The following NR4A1 variants were observed in gnomAD, a reference collection of about 807,000 sequenced individuals.
The protein encoded by NR4A1 is nuclear receptor subfamily 4immunitygroup A member 1.
A neutral mutation model predicts 47.5 loss-of-function variants in NR4A1; 24 were observed. The ratio of observed to expected loss-of-function variants is 0.50; its 90% CI spans 0.37 to 0.71. The LOEUF (loss-of-function observed/expected upper bound fraction) is 0.71, where lower values mean the gene tolerates loss of function less well. NR4A1 is among the 30% of genes least tolerant of loss of function. The pLI, the probability that NR4A1 is intolerant of heterozygous loss-of-function variation, is 0.00. For synonymous variants in NR4A1, 353 were observed against 345.7 expected (o/e 1.02, Z -0.24); for missense variants, 669 against 788.6 (o/e 0.85, Z 1.82).
At chr12:52,033,324 C>T (rs1293587921) in intron 1 of NR4A1, among the ~76,000 whole-genome samples, 1 of 152,234 alleles carries the variant, frequency 6.6e-6, no homozygotes, top group Non-Finnish European at 1.5e-5. Context: ...AAGCCGTCGT[C>T]GGAGGATGAC....
intron 1 of NR4A1, among the ~76,000 whole-genome samples, chr12:52,032,291 G>A (rs566397938): frequency 6.6e-6 from 1 of 152,294 alleles, no homozygotes; most frequent in African/African-American, 2.4e-5. Flanking sequence ...AAAAGGCAGA[G>A]GAAGGGCAAA....
chr12:52,056,622 A>G lies in NR4A1; in HGVS notation c.1135A>G (p.Thr379Ala). The change falls in exon 4 of 7, where the codon ACT (threonine) becomes GCT (alanine). Residue 379 changes from threonine to alanine, a missense_variant. Transcript: ENST00000394825. ...TGCACACCTGGACTCAGGGCCCAGC[A>G]CTGCCAAACTGGACTACTCCAAGGT... is the stretch of plus-strand genomic sequence containing the variant. ...VRAHLDSGPSTAKLDYSKFQE... is the reference protein window; with the variant it reads ...VRAHLDSGPSAAKLDYSKFQE... 1 of 1,604,484 alleles carries G rather than the reference A, an allele frequency of 6.2e-7. No individual in the cohort carries two copies.
chr12:52,030,165 C>T (rs1008700031), intron 1 of NR4A1, among the ~76,000 whole-genome samples: 9 of 152,336 alleles, frequency 5.9e-5, no homozygotes, highest in Non-Finnish European at 1.0e-4. Flanking sequence ...TCCGCCCTCC[C>T]TGTCCCTCTC....
chr12:52,050,573 T>A (rs1938871069), upstream of NR4A1, among the ~76,000 whole-genome samples: 1 of 152,178 alleles, frequency 6.6e-6, no homozygotes. Flanking sequence ...ACTCCCCCTG[T>A]AAGGGGCTGG....
At chr12:52,037,567 G>GC (rs1938281808) in intron 1 of NR4A1, 4 of 764,646 alleles carry the variant, frequency 5.2e-6, no homozygotes, top group Non-Finnish European at 4.6e-6. Flanking sequence ...CTGGGGAGTC[G>GC]GGGGGGGGAC....
chr12:52,030,499 G>A (rs994633728), intron 1 of NR4A1, among the ~76,000 whole-genome samples: 1 of 152,086 alleles, frequency 6.6e-6, no homozygotes, highest in African/African-American at 2.4e-5. Context: ...TGCAATCTTC[G>A]CTAACTGCAA....
chr12:52,047,778 G>A (rs1938712989), upstream of NR4A1, among the ~76,000 whole-genome samples: 3 of 152,368 alleles, frequency 2.0e-5, no homozygotes, highest in African/African-American at 7.2e-5. Flanking sequence ...CCACAGGATG[G>A]TCTGTGCCAC....
At chr12:52,022,849 G>A (rs1046132125) in exon 1 of NR4A1, 3 of 152,288 alleles carry the variant, frequency 2.0e-5, no homozygotes, top group African/African-American at 7.2e-5. Flanking sequence ...TGTAAGCTTT[G>A]GTATGGATGG....
upstream of NR4A1, among the ~76,000 whole-genome samples, chr12:52,047,561 A>C (rs11169989): frequency 0.082 from 12,432 of 152,318 alleles, 554 homozygotes; most frequent in South Asian, 0.11. Context: ...CACCCCTGCA[A>C]GCATGACCAG....
At position 52,054,690 on chromosome 12, in the gene NR4A1, A is replaced by T; in HGVS notation, c.362A>T (p.Asp121Val). Residue 121 changes from aspartate (D) to valine (V), a missense_variant, in exon 2 of 7, where the codon GAT becomes GTT. Asp to Val is a radical substitution (Grantham distance 152). Transcript: ENST00000394825. The part of the protein sequence containing the change: ...CYPGPLSGPV[D>V]EALSSSGSDY... ...CCCGGCCCCCTGAGCGGCCCAGTGG[A>T]TGAGGCCCTGTCCTCCAGTGGCTCT... 1 of 1,613,890 alleles carries T rather than the reference A, an allele frequency of 6.2e-7. No homozygotes were observed. Among genetic ancestry groups the T allele is most frequent in the East Asian group, 2.2e-5 (1 of 44,882 alleles).
intron 1 of NR4A1, chr12:52,038,723 A>T (rs140702290): frequency 1.8e-4 from 137 of 764,780 alleles, no homozygotes; most frequent in Non-Finnish European, 2.9e-4. Flanking sequence ...ACAAGTGCAC[A>T]GTATAAAATC....
upstream of NR4A1, among the ~76,000 whole-genome samples, chr12:52,048,018 G>A (rs547540279): frequency 1.1e-4 from 17 of 151,740 alleles, no homozygotes; most frequent in Non-Finnish European, 1.8e-4. Context: ...GCTGGGTGTG[G>A]TGGCAGGCAC....
intron 2 of NR4A1, chr12:52,043,710 T>C: frequency 1.6e-6 from 2 of 1,266,420 alleles, no homozygotes; most frequent in South Asian, 2.6e-5. Flanking sequence ...ACACGCCGGC[T>C]TGGAGGCAGC....
chr12:52,051,431 C>T (rs533758523), upstream of NR4A1: 939 of 985,584 alleles, frequency 9.5e-4, 10 homozygotes, highest in African/African-American at 0.015. Context: ...GAGGGTCGGG[C>T]TCGGCCGGGG....
At chr12:52,024,860 C>T (rs2120896877) in intron 1 of NR4A1, among the ~76,000 whole-genome samples, 1 of 152,342 alleles carries the variant, frequency 6.6e-6, no homozygotes, top group African/African-American at 2.4e-5. Context: ...CTTCCTCAGC[C>T]TCAGTTTCCT....
At chr12:52,033,688 C>T (rs1427591976) in intron 1 of NR4A1, among the ~76,000 whole-genome samples, 1 of 152,204 alleles carries the variant, frequency 6.6e-6, no homozygotes, top group African/African-American at 2.4e-5. Context: ...CTGGACAGCC[C>T]CTGAGCCCTG....
chr12:52,055,979 C>T (rs775454279), intron 2 of NR4A1, 51 bp from the exon 3 acceptor site: 6 of 728,766 alleles, frequency 8.2e-6, no homozygotes, highest in East Asian at 4.2e-5. Flanking sequence ...TAAGTTCCCC[C>T]CTCCCCACCC....
intron 2 of NR4A1, among the ~76,000 whole-genome samples, chr12:52,042,253 G>C (rs1592288225): frequency 6.6e-6 from 1 of 152,118 alleles, no homozygotes; most frequent in Admixed American, 6.5e-5. Context: ...AAGCAGATAG[G>C]GTAGAATAGG....
At chr12:52,027,579 G>A (rs1336940400) in intron 1 of NR4A1, among the ~76,000 whole-genome samples, 1 of 152,256 alleles carries the variant, frequency 6.6e-6, no homozygotes, top group Non-Finnish European at 1.5e-5. Flanking sequence ...TGAGAGCTCT[G>A]CTGCTCTGAG....
Sources: allele counts gnomAD v4.1 joint callset (sites outside exome capture counted in the v4.1 genomes callset), GRCh38; gene constraint gnomAD v4.1.1; transcripts MANE v1.5; gene names NCBI Gene and HGNC (gene_info 2026-07-23, HGNC 2026-07-21).